Variants in BMP3 observed in about 807,000 individuals in gnomAD.
BMP3 encodes bone morphogenetic protein 3.
A neutral mutation model predicts 38.1 loss-of-function variants in BMP3; 23 were observed. The ratio of observed to expected loss-of-function variants is 0.60; its 90% CI spans 0.43 to 0.86. The LOEUF (loss-of-function observed/expected upper bound fraction) is 0.86. Ranked by LOEUF, BMP3 falls within the 40% of genes least tolerant of loss-of-function variation. The probability of loss-of-function intolerance (pLI) is 0.00; values close to 1 mark genes in which losing one functional copy is unlikely to be tolerated. For synonymous variants in BMP3, 258 were observed against 225.7 expected (o/e 1.14, Z -1.28); for missense variants, 628 against 579.6 (o/e 1.08, Z -0.86).
chr4:81,031,908 C>G (rs1404784612), intron 1 of BMP3, among the ~76,000 whole-genome samples: 2 of 152,082 alleles, frequency 1.3e-5, no homozygotes, highest in African/African-American at 4.8e-5. Flanking sequence ...GCCTGTGAGG[C>G]CTCCTGCCCT....
intron 1 of BMP3, among the ~76,000 whole-genome samples, chr4:81,039,894 G>A (rs764559281): frequency 7.6e-4 from 115 of 152,158 alleles, no homozygotes; most frequent in Non-Finnish European, 1.5e-3. Context: ...AATGGTAATA[G>A]AGGCAGGATC....
intron 1 of BMP3, chr4:81,037,342 T>C (rs1021350849): frequency 9.2e-6 from 2 of 217,586 alleles, no homozygotes; most frequent in African/African-American, 4.6e-5. Context: ...TTAAGTGAAA[T>C]GGTTTTCAAG....
At position 81,045,845 on chromosome 4, in the gene BMP3, A is replaced by G. The variant is rs1279989300; in HGVS notation, c.424A>G (p.Ile142Val). The G allele has an allele frequency of 6.2e-7, 1 of 1,614,150 alleles. No individual in the cohort carries two copies. Among genetic ancestry groups the G allele is most frequent in the Admixed American group, 1.7e-5 (1 of 59,994 alleles). ...LYFCIGELGN[I>V]SLSCPVSGGC... ...TTTCTGTATTGGAGAGCTAGGAAAC[A>G]TCAGCCTGAGTTGTCCAGTGTCTGG... Residue 142 changes from isoleucine (I) to valine (V), a missense_variant, in exon 2 of 3, where the codon ATC (isoleucine) becomes GTC (valine). Coordinates refer to ENST00000282701, the MANE Select transcript of BMP3 (RefSeq NM_001201.5).
chr4:81,042,993 T>C (rs1740119923), intron 1 of BMP3, among the ~76,000 whole-genome samples: 2 of 152,222 alleles, frequency 1.3e-5, no homozygotes, highest in Admixed American at 1.3e-4. Flanking sequence ...AATGGCAGTT[T>C]CCTCCTTTTC....
chr4:81,039,756 A>T (rs937856184), intron 1 of BMP3, among the ~76,000 whole-genome samples: 1 of 152,184 alleles, frequency 6.6e-6, no homozygotes, highest in Non-Finnish European at 1.5e-5. Context: ...GGTTGAACTA[A>T]ATTTGCTCAT....
chr4:81,036,207 G>C (rs569498538), intron 1 of BMP3, among the ~76,000 whole-genome samples: 2 of 151,838 alleles, frequency 1.3e-5, no homozygotes, highest in South Asian at 4.1e-4. Context: ...TAGTTTATTT[G>C]TGGAAAAATT....
rs61729824 is a variant in BMP3 at position 81,031,504 on chromosome 4, C to T, written c.220C>T (p.Arg74Trp). ...YDRYSTVQAA[R>W]TPGSLEGGSQ... is the part of the protein sequence containing the mutation. ...CAGGTACAGCACGGTCCAGGCGGCC[C>T]GGACACCGGGCTCCCTGGAGGGAGG... Residue 74 changes from arginine (R) to tryptophan (W), a missense_variant, in exon 1 of 3, where the codon CGG becomes TGG. Transcript: ENST00000282701. The T allele has an allele frequency of 2.2e-3, 3,529 of 1,612,908 alleles. 68 individuals carry two copies. The African/African-American group carries it at 0.041, about 19-fold the overall frequency.
rs532706167 is a variant in BMP3, at chr4:81,049,910, T to C, written c.1227+3262T>C. Among the ~76,000 whole-genome samples the C allele has an allele frequency of 8.5e-5, 13 of 152,214 alleles. No homozygotes were observed. In the East Asian group the frequency reaches 1.3e-3, roughly 16 times the overall value. ...GATATAGTTTTTGCCCCAGAGAAAG[T>C]TCCCCCAGGCTAGACTGCTTTGTTG... On this transcript the variant is annotated intron_variant, in intron 2 of 2. Coordinates refer to ENST00000282701, the MANE Select transcript of BMP3 (RefSeq NM_001201.5).
At chr4:81,033,739 G>A (rs1651631046) in intron 1 of BMP3, among the ~76,000 whole-genome samples, 1 of 152,152 alleles carries the variant, frequency 6.6e-6, no homozygotes, top group Non-Finnish European at 1.5e-5. Context: ...AGGTGCTAAG[G>A]TTTTCATGTG....
Position 81,031,685 on chromosome 4 carries a change from T to C in BMP3, c.316+85T>C, listed in dbSNP as rs904785076. 8 of 1,426,568 alleles carry C rather than the reference T, an allele frequency of 5.6e-6. No individual in the cohort carries two copies. The African/African-American group carries it at 1.0e-4, about 18-fold the overall frequency. 88.4% of individuals were successfully genotyped at this position (1,426,568 alleles called of 1,614,324 possible). A position where few individuals can be genotyped will look rare whatever the true frequency, so the allele number is the denominator to read the frequency against. On this transcript the variant is annotated intron_variant, in intron 1 of 2. Transcript: ENST00000282701. Reference sequence around the variant, plus strand: ...CCCCACAGCTTCCTTGTCTGCCCCTTGCTTGGTGGCGCTGCCTAGGGACCT... The same window carrying C: ...CCCCACAGCTTCCTTGTCTGCCCCTCGCTTGGTGGCGCTGCCTAGGGACCT...
chr4:81,032,194 CAAAAAAAA>C (rs5859748), intron 1 of BMP3, among the ~76,000 whole-genome samples: 5,734 of 74,076 alleles, frequency 0.077, 270 homozygotes, highest in Middle Eastern at 0.16. Flanking sequence ...TCCTTAGTGG[CAAAAAAAA>C]AAAAAAAAAA....
chr4:81,046,710 CT>C, intron 2 of BMP3, 62 bp downstream of exon 2: 1 of 1,522,062 alleles, frequency 6.6e-7, no homozygotes, highest in Non-Finnish European at 8.9e-7. Flanking sequence ...GACACATTGA[CT>C]AAGTTAGTGT....
intron 2 of BMP3, among the ~76,000 whole-genome samples, chr4:81,051,742 A>G (rs901415555): frequency 5.9e-5 from 9 of 152,180 alleles, no homozygotes; most frequent in Non-Finnish European, 1.0e-4. Context: ...AACAGCATGG[A>G]CTTCCTCTCC....
At chr4:81,040,357 A>T (rs1198862806) in intron 1 of BMP3, among the ~76,000 whole-genome samples, 1 of 151,956 alleles carries the variant, frequency 6.6e-6, no homozygotes, top group Admixed American at 6.6e-5. Flanking sequence ...TTCACACTCT[A>T]CTCTACCATA....
chr4:81,052,018 G>C (rs1027638019), intron 2 of BMP3, among the ~76,000 whole-genome samples: 2 of 150,400 alleles, frequency 1.3e-5, no homozygotes, highest in African/African-American at 4.9e-5. Flanking sequence ...TTTTTTAAGA[G>C]TATGCCTGCT....
intron 1 of BMP3, among the ~76,000 whole-genome samples, chr4:81,039,709 C>T (rs1286087581): frequency 1.3e-5 from 2 of 152,148 alleles, no homozygotes; most frequent in African/African-American, 2.4e-5. Context: ...CTTGCTAACT[C>T]CTAGGGTCCT....
chr4:81,052,062 A>G (rs1740410836), intron 2 of BMP3, among the ~76,000 whole-genome samples: 1 of 151,130 alleles, frequency 6.6e-6, no homozygotes, highest in South Asian at 2.1e-4. Flanking sequence ...TGGTTTGTAT[A>G]TACCCTTAAA....
At chr4:81,049,334 G>T (rs1162477504) in intron 2 of BMP3, among the ~76,000 whole-genome samples, 1 of 152,114 alleles carries the variant, frequency 6.6e-6, no homozygotes, top group African/African-American at 2.4e-5. Context: ...CTGAAAATAG[G>T]TTTCTCCCTT....
At chr4:81,043,286 G>A (rs1414178712) in intron 1 of BMP3, among the ~76,000 whole-genome samples, 1 of 152,128 alleles carries the variant, frequency 6.6e-6, no homozygotes, top group African/African-American at 2.4e-5. Flanking sequence ...CTCGGTTTAT[G>A]AGCTAAAGGA....
Sources: allele counts gnomAD v4.1 joint callset (sites outside exome capture counted in the v4.1 genomes callset), GRCh38; gene constraint gnomAD v4.1.1; transcripts MANE v1.5; gene names NCBI Gene and HGNC (gene_info 2026-07-23, HGNC 2026-07-21).